Variants in NFIA observed in about 807,000 individuals in gnomAD.
NFIA encodes the protein nuclear factor I A, also known as nuclear factor 1 A-type.
A neutral mutation model predicts 62.8 loss-of-function variants in NFIA; 8 were observed. The ratio of observed to expected loss-of-function variants is 0.13; its 90% CI spans 0.07 to 0.23. The LOEUF is 0.23. NFIA is among the 10% of genes least tolerant of loss of function. The pLI, the probability that NFIA is intolerant of heterozygous loss-of-function variation, is 1.00. For missense variants in NFIA, 410 were observed against 642.1 expected (o/e 0.64, Z 3.91); for synonymous variants, 235 against 238.1 (o/e 0.99, Z 0.12).
chr1:61,152,388 T>C (rs147014654), intron 2 of NFIA, among the ~76,000 whole-genome samples: 29 of 152,314 alleles, frequency 1.9e-4, no homozygotes, highest in African/African-American at 6.7e-4. Context: ...CAGTGTACTT[T>C]GCACTTCCTT....
chr1:61,318,399 A>G (rs1274851266), intron 3 of NFIA, among the ~76,000 whole-genome samples: 2 of 152,150 alleles, frequency 1.3e-5, no homozygotes, highest in Admixed American at 6.6e-5. Flanking sequence ...ACTCACTTCA[A>G]CGGAAATTAG....
Position 61,194,081 on chromosome 1 carries a change from T to A in NFIA, c.560-83439T>A, listed in dbSNP as rs369103417. ...AAGATTGATTTGACTTGATAATTAA[T>A]TAATTTGATTAACAAGATAATTTAG... On this transcript the variant is annotated intron_variant, in intron 2 of 10. Coordinates refer to ENST00000403491, the MANE Select transcript of NFIA (RefSeq NM_001134673.4). Among the ~76,000 whole-genome samples the A allele has an allele frequency of 8.9e-4, 135 of 152,336 alleles. 3 individuals carry two copies. In the South Asian group the frequency reaches 0.028, roughly 31 times the overall value.
At chr1:61,379,402 C>CTTTTTTTTTTTTTT (rs60735193) in intron 6 of NFIA, among the ~76,000 whole-genome samples, 6 of 98,258 alleles carry the variant, frequency 6.1e-5, no homozygotes, top group Non-Finnish European at 9.8e-5. Flanking sequence ...TTTTCTTTTT[C>CTTTTTTTTTTTTTT]TTTTTTTTTT....
intron 2 of NFIA, among the ~76,000 whole-genome samples, chr1:61,113,664 G>A (rs1646746605): frequency 6.6e-6 from 1 of 151,044 alleles, no homozygotes; most frequent in Non-Finnish European, 1.5e-5. Context: ...GCTGAATTGA[G>A]ACCATTTGGA....
At chr1:61,148,783 A>G (rs1248164377) in intron 2 of NFIA, among the ~76,000 whole-genome samples, 1 of 152,242 alleles carries the variant, frequency 6.6e-6, no homozygotes, top group Non-Finnish European at 1.5e-5. Flanking sequence ...AGATGAAGGA[A>G]AACTATTGAT....
At chr1:61,395,217 A>C (rs1665202284) in intron 7 of NFIA, among the ~76,000 whole-genome samples, 1 of 152,106 alleles carries the variant, frequency 6.6e-6, no homozygotes, top group Non-Finnish European at 1.5e-5. Context: ...GAAATGCTGC[A>C]AAATAACCCA....
intron 8 of NFIA, among the ~76,000 whole-genome samples, chr1:61,404,618 G>A (rs1440332487): frequency 6.6e-6 from 1 of 152,156 alleles, no homozygotes; most frequent in Non-Finnish European, 1.5e-5. Flanking sequence ...AAAATAGAAA[G>A]ACCAAGTAGT....
chr1:61,307,305 T>C (rs1659853961), intron 3 of NFIA, among the ~76,000 whole-genome samples: 1 of 152,148 alleles, frequency 6.6e-6, no homozygotes, highest in South Asian at 2.1e-4. Flanking sequence ...CACAGAGAGC[T>C]AGCTAGCCCT....
chr1:61,228,318 G>A (rs1654458090), intron 2 of NFIA, among the ~76,000 whole-genome samples: 1 of 152,146 alleles, frequency 6.6e-6, no homozygotes, highest in Non-Finnish European at 1.5e-5. Context: ...AAAGCCGTGA[G>A]CAAGGTGGAG....
Position 61,332,593 on chromosome 1 carries a change from A to G in NFIA, c.700+7A>G. ...CTAGTAAGAGTGTCACAGAGTAAGT[A>G]TAATTTTGCTTTGATTTGGTACAGA... On this transcript the variant is annotated splice_region_variant and intron_variant, in intron 4 of 10. Coordinates refer to ENST00000403491, the MANE Select transcript of NFIA (RefSeq NM_001134673.4). 1 of 1,613,294 alleles carries G rather than the reference A, an allele frequency of 6.2e-7. No homozygotes were observed. The highest frequency in any genetic ancestry group is 8.5e-7 in the Non-Finnish European group (1 of 1,179,358).
chr1:61,296,804 T>C (rs1217567468), intron 3 of NFIA, among the ~76,000 whole-genome samples: 1 of 152,188 alleles, frequency 6.6e-6, no homozygotes, highest in Non-Finnish European at 1.5e-5. Context: ...TCATATATAT[T>C]GGGAGGGCTA....
intron 2 of NFIA, among the ~76,000 whole-genome samples, chr1:61,102,313 G>T (rs1324089879): frequency 6.6e-6 from 1 of 152,162 alleles, no homozygotes; most frequent in Non-Finnish European, 1.5e-5. Context: ...TTCCTTCAGA[G>T]AAAGAGAAAA....
At chr1:61,220,914 A>G (rs1054912497) in intron 2 of NFIA, among the ~76,000 whole-genome samples, 1 of 152,214 alleles carries the variant, frequency 6.6e-6, no homozygotes, top group Non-Finnish European at 1.5e-5. Flanking sequence ...ATATAAATCC[A>G]CATGTTAAAT....
In NFIA at chr1:61,126,945, C is replaced by T. The variant is rs150837970; in HGVS notation, c.559+38265C>T. ...GACTACAGATGTGTACCACCACGTC[C>T]GACTGTCCGACTAGTTTTTGTATTT... On this transcript the variant is annotated intron_variant, in intron 2 of 10. Transcript: ENST00000403491. 6.6e-5 allele frequency among the ~76,000 whole-genome samples: 10 copies of T among 151,394 alleles called. No individual in the cohort carries two copies. In the East Asian group the frequency reaches 1.8e-3, roughly 27 times the overall value.
At chr1:61,200,043 T>G (rs1412568057) in intron 2 of NFIA, among the ~76,000 whole-genome samples, 1 of 51,160 alleles carries the variant, frequency 2.0e-5, no homozygotes, top group Admixed American at 2.4e-4. Context: ...TATATATATA[T>G]ATATATATAT....
chr1:61,211,681 A>G (rs937057886), intron 2 of NFIA, among the ~76,000 whole-genome samples: 1 of 152,148 alleles, frequency 6.6e-6, no homozygotes, highest in African/African-American at 2.4e-5. Context: ...CTTGTAGAGA[A>G]GGGTGCTATT....
intron 2 of NFIA, among the ~76,000 whole-genome samples, chr1:61,114,806 C>T (rs924841129): frequency 6.6e-6 from 1 of 152,084 alleles, no homozygotes; most frequent in African/African-American, 2.4e-5. Flanking sequence ...AATCTGAGTG[C>T]CTTCAAGACA....
At chr1:61,105,388 C>T (rs756742214) in intron 2 of NFIA, among the ~76,000 whole-genome samples, 19 of 151,832 alleles carry the variant, frequency 1.3e-4, no homozygotes, top group Non-Finnish European at 2.1e-4. Context: ...AGAACTTTAA[C>T]TTTTTTATTC....
At chr1:61,206,402 A>G (rs763030922) in intron 2 of NFIA, among the ~76,000 whole-genome samples, 2 of 152,220 alleles carry the variant, frequency 1.3e-5, no homozygotes, top group African/African-American at 2.4e-5. Context: ...AGCTACAGAT[A>G]CTACCTTGGC....
Sources: gnomAD v4.1 joint callset for allele counts (sites outside exome capture counted in the v4.1 genomes callset) on GRCh38, gnomAD v4.1.1 for gene constraint, MANE v1.5 for transcripts, NCBI Gene and HGNC (gene_info 2026-07-23, HGNC 2026-07-21) for gene names.